Variants in MSRA observed in about 807,000 individuals in gnomAD.
MSRA encodes mitochondrial peptide methionine sulfoxide reductase.
Under a neutral mutation model 31.3 loss-of-function variants are expected in MSRA, and 54 were observed. The ratio of observed to expected loss-of-function variants is 1.73; its 90% confidence interval spans 1.39 to 2.17. The LOEUF (loss-of-function observed/expected upper bound fraction) is 2.17, where lower values mean the gene tolerates loss of function less well. MSRA is among the 30% of genes most tolerant of loss of function. MSRA has a pLI of 0.00. For missense variants in MSRA, 507 were observed against 300.9 expected (o/e 1.69, Z -5.07); for synonymous variants, 169 against 116.5 (o/e 1.45, Z -2.90).
intron 5 of MSRA, among the ~76,000 whole-genome samples, chr8:10,355,789 T>C (rs560181878): frequency 3.3e-5 from 5 of 152,158 alleles, no homozygotes; most frequent in East Asian, 1.9e-4. Flanking sequence ...CAGGAAGATA[T>C]GCCATATCAG....
chr8:10,314,151 C>A (rs182370276), intron 4 of MSRA, among the ~76,000 whole-genome samples: 1 of 151,958 alleles, frequency 6.6e-6, no homozygotes, highest in South Asian at 2.1e-4. Flanking sequence ...ACAAATTTAA[C>A]TATATCAAAA....
intron 1 of MSRA, chr8:10,096,204 A>G: frequency 8.0e-7 from 1 of 1,252,078 alleles, no homozygotes; most frequent in Non-Finnish European, 1.0e-6. Flanking sequence ...AACAGCTTTT[A>G]TTTCTGCTGC....
At chr8:10,116,632 A>G (rs890550532) in intron 1 of MSRA, among the ~76,000 whole-genome samples, 1 of 152,174 alleles carries the variant, frequency 6.6e-6, no homozygotes, top group African/African-American at 2.4e-5. Flanking sequence ...CTGCAGGAGC[A>G]CGGAGCAGGG....
At chr8:10,422,257 G>T (rs914401574) in intron 5 of MSRA, among the ~76,000 whole-genome samples, 1 of 152,164 alleles carries the variant, frequency 6.6e-6, no homozygotes, top group African/African-American at 2.4e-5. Context: ...GTGTACTCCA[G>T]CCTGGGTGGC....
chr8:10,135,817 G>T (rs1456455943), intron 1 of MSRA, among the ~76,000 whole-genome samples: 3 of 152,170 alleles, frequency 2.0e-5, no homozygotes, highest in African/African-American at 7.2e-5. Context: ...ATTTTGTTGA[G>T]ACATCCCCAA....
chr8:10,116,895 A>G (rs1211987745), intron 1 of MSRA, among the ~76,000 whole-genome samples: 2 of 152,112 alleles, frequency 1.3e-5, no homozygotes, highest in African/African-American at 4.8e-5. Context: ...GAACCTGGGA[A>G]GTGGAGGTTG....
At chr8:10,374,039 T>A (rs920047445) in intron 5 of MSRA, among the ~76,000 whole-genome samples, 1 of 152,174 alleles carries the variant, frequency 6.6e-6, no homozygotes, top group South Asian at 2.1e-4. Context: ...CTGGCTTCCA[T>A]GCAAACTCAG....
intron 2 of MSRA, among the ~76,000 whole-genome samples, chr8:10,228,409 A>G (rs546808519): frequency 6.6e-6 from 1 of 152,260 alleles, no homozygotes; most frequent in Admixed American, 6.5e-5. Context: ...AGTACAGAAA[A>G]TGCACCTCTA....
chr8:10,320,771 T>C (rs1179657934), intron 5 of MSRA, among the ~76,000 whole-genome samples: 1 of 152,222 alleles, frequency 6.6e-6, no homozygotes, highest in East Asian at 1.9e-4. Flanking sequence ...GAAGGATCTG[T>C]TCCAGGCCTC....
At chr8:10,324,777 T>C (rs1387957146) in intron 5 of MSRA, among the ~76,000 whole-genome samples, 1 of 152,282 alleles carries the variant, frequency 6.6e-6, no homozygotes, top group East Asian at 1.9e-4. Flanking sequence ...GAAGACCCCA[T>C]ACAAGTTAGC....
At chr8:10,404,647 C>T (rs920985227) in intron 5 of MSRA, among the ~76,000 whole-genome samples, 3 of 152,252 alleles carry the variant, frequency 2.0e-5, no homozygotes, top group African/African-American at 4.8e-5. Context: ...GCTGTGCTGC[C>T]GCGCCGCCCT....
intron 5 of MSRA, among the ~76,000 whole-genome samples, chr8:10,334,804 A>G (rs1421810578): frequency 6.6e-6 from 1 of 152,212 alleles, no homozygotes; most frequent in African/African-American, 2.4e-5. Flanking sequence ...ACTTACTTCA[A>G]AATGTGCCTT....
At chr8:10,166,513 G>C (rs191607516) in intron 1 of MSRA, among the ~76,000 whole-genome samples, 64 of 152,216 alleles carry the variant, frequency 4.2e-4, no homozygotes, top group Non-Finnish European at 6.8e-4. Context: ...ATGTGCATTT[G>C]TGTGTGTGTG....
At chr8:10,192,911 G>A (rs1169965511) in intron 1 of MSRA, among the ~76,000 whole-genome samples, 1 of 152,154 alleles carries the variant, frequency 6.6e-6, no homozygotes, top group African/African-American at 2.4e-5. Context: ...TCATAAACAT[G>A]CTTTTGAAAT....
chr8:10,198,565 A>G (rs1808199579), intron 1 of MSRA, among the ~76,000 whole-genome samples: 1 of 152,144 alleles, frequency 6.6e-6, no homozygotes. Context: ...ATTATCTCCT[A>G]CAGTAGCTAT....
At chr8:10,416,851 C>T (rs566973493) in intron 5 of MSRA, among the ~76,000 whole-genome samples, 2 of 152,376 alleles carry the variant, frequency 1.3e-5, no homozygotes, top group South Asian at 4.1e-4. Context: ...ATTCCTTCCT[C>T]TCCTTCTCCA....
intron 3 of MSRA, among the ~76,000 whole-genome samples, chr8:10,263,456 A>G (rs1798583526): frequency 6.6e-6 from 1 of 152,240 alleles, no homozygotes; most frequent in African/African-American, 2.4e-5. Flanking sequence ...CGTTCAGACA[A>G]TAGGTTAATG....
chr8:10,342,584 G>A (rs769854511), intron 5 of MSRA, among the ~76,000 whole-genome samples: 2 of 152,340 alleles, frequency 1.3e-5, no homozygotes, highest in East Asian at 3.9e-4. Flanking sequence ...CTGCCTCACA[G>A]AGAAGCACAG....
At chr8:10,056,751 T>C (rs1047670790) in intron 1 of MSRA, among the ~76,000 whole-genome samples, 33 of 152,190 alleles carry the variant, frequency 2.2e-4, no homozygotes, top group African/African-American at 4.8e-5. Context: ...CTTAAGGATT[T>C]AGTATTGTTC....
Sources: gnomAD v4.1 joint callset for allele counts (sites outside exome capture counted in the v4.1 genomes callset) on GRCh38, gnomAD v4.1.1 for gene constraint, MANE v1.5 for transcripts, NCBI Gene and HGNC (gene_info 2026-07-23, HGNC 2026-07-21) for gene names.